Variants in CCAR1 observed in about 807,000 individuals in gnomAD.
CCAR1 encodes cell division cycle and apoptosis regulator 1.
CCAR1 carries 78 observed loss-of-function variants against 163.8 expected under a neutral mutation model. The ratio of observed to expected loss-of-function variants is 0.48; its 90% CI spans 0.40 to 0.57. CCAR1 has a LOEUF of 0.57. Among genes scored for constraint, CCAR1 ranks in the 20% least tolerant of loss-of-function variants. CCAR1 has a pLI of 0.00. For missense variants in CCAR1, 1,019 were observed against 1,365.2 expected (o/e 0.75, Z 4.00); for synonymous variants, 443 against 460.7 (o/e 0.96, Z 0.49).
At chr10:68,765,758 G>A (rs1169576125) in intron 16 of CCAR1, 130 bp from the exon 17 acceptor site, 2 of 629,944 alleles carry the variant, frequency 3.2e-6, no homozygotes, top group Non-Finnish European at 5.4e-6. Context: ...GTTTGTATAA[G>A]TACCATGAAG....
chr10:68,787,817 A>G, intron 21 of CCAR1, 110 bp from the exon 22 acceptor site: 1 of 1,082,948 alleles, frequency 9.2e-7, no homozygotes, highest in Non-Finnish European at 1.3e-6. Flanking sequence ...TTTGGGCGAC[A>G]AGAGCAAGAC....
chr10:68,731,757 A>C (rs906224628), intron 2 of CCAR1, among the ~76,000 whole-genome samples: 1 of 151,960 alleles, frequency 6.6e-6, no homozygotes, highest in Non-Finnish European at 1.5e-5. Context: ...CACCTGGCTA[A>C]TTTTTGTATT....
chr10:68,742,349 T>TAA (rs2056193794), intron 5 of CCAR1, 27 bp from the exon 6 acceptor site: 1 of 1,550,518 alleles, frequency 6.4e-7, no homozygotes, highest in African/African-American at 1.4e-5. Flanking sequence ...ATCATTACCT[T>TAA]AATTTGATGT....
At chr10:68,755,614 C>T (rs1205164567) in intron 13 of CCAR1, 78 bp downstream of exon 13, 11 of 1,281,662 alleles carry the variant, frequency 8.6e-6, no homozygotes, top group Non-Finnish European at 1.2e-5. Flanking sequence ...CAGCCTTTTC[C>T]CCCCGGCTTA....
chr10:68,723,586 T>C lies in CCAR1; in HGVS notation c.73+1009T>C, dbSNP rs184400877. 8.7e-3 allele frequency among the ~76,000 whole-genome samples: 1,313 copies of C among 151,766 alleles called. 18 individuals carry two copies. The highest frequency in any genetic ancestry group is 0.025 in the African/African-American group (1,039 of 41,426). ...TAAATGGGCCGGGCGCGGTGACTCA[T>C]GCCTGTAATCCCAGCACTTTGGGAG... On this transcript the variant is annotated intron_variant, in intron 2 of 24. Transcript: ENST00000265872.
chr10:68,782,611 T>G (rs2056749832), intron 19 of CCAR1, among the ~76,000 whole-genome samples: 1 of 152,156 alleles, frequency 6.6e-6, no homozygotes, highest in Admixed American at 6.6e-5. Flanking sequence ...ACAAGTTGAC[T>G]TTCTTGTTAG....
intron 19 of CCAR1, chr10:68,774,860 G>A (rs2133406672): frequency 2.9e-6 from 1 of 345,568 alleles, no homozygotes; most frequent in African/African-American, 2.3e-5. Flanking sequence ...TACCTTACCT[G>A]TTCTTTTCTA....
intron 2 of CCAR1, among the ~76,000 whole-genome samples, chr10:68,729,430 C>T (rs1162960): frequency 0.87 from 132,497 of 151,454 alleles, 58,030 homozygotes; most frequent in African/African-American, 0.9. Flanking sequence ...CCACCACGCC[C>T]GGCTAATTTT....
At chr10:68,747,025 T>G in intron 6 of CCAR1, 136 bp from the exon 7 acceptor site, 1 of 540,102 alleles carries the variant, frequency 1.9e-6, no homozygotes, top group Non-Finnish European at 3.2e-6. Flanking sequence ...CAGGCTTCCA[T>G]TTCTGATATA....
In CCAR1 at chr10:68,756,741, C is replaced by A; in HGVS notation, c.1836+258C>A. On this transcript the variant is annotated intron_variant, in intron 14 of 24. Coordinates refer to ENST00000265872, the MANE Select transcript of CCAR1 (RefSeq NM_018237.4). This position sits in a 1 kb window ranked among gnomAD's most constrained non-coding sequence, Gnocchi z 5.1. The stretch of plus-strand genomic sequence containing the variant: ...AAATTGCACAGAATTTTGTTTTTAT[C>A]ATAGGTCTAGTTGCTGGAATCTGGG... 1 of 516,172 alleles carries A rather than the reference C, an allele frequency of 1.9e-6. No individual in the cohort carries two copies. The highest frequency in any genetic ancestry group is 3.6e-6 in the Non-Finnish European group (1 of 280,440). 32.0% of individuals were successfully genotyped at this position (516,172 alleles called of 1,614,324 possible). A position where few individuals can be genotyped will look rare whatever the true frequency, so the allele number is the denominator to read the frequency against.
chr10:68,775,450 T>C (rs543722267), intron 19 of CCAR1, among the ~76,000 whole-genome samples: 1 of 151,496 alleles, frequency 6.6e-6, no homozygotes, highest in Admixed American at 6.6e-5. Context: ...AATCATTAAA[T>C]AGTATTCTCA....
intron 2 of CCAR1, among the ~76,000 whole-genome samples, chr10:68,731,123 G>A (rs1401741735): frequency 6.6e-6 from 1 of 152,124 alleles, no homozygotes; most frequent in Non-Finnish European, 1.5e-5. Flanking sequence ...TATTGAATGA[G>A]GTAAAAGTGA....
At chr10:68,766,249 C>T (rs992614540) in intron 17 of CCAR1, among the ~76,000 whole-genome samples, 170 bp downstream of exon 17, 53 of 151,970 alleles carry the variant, frequency 3.5e-4, no homozygotes, top group African/African-American at 1.2e-3. Flanking sequence ...GTTACCCATG[C>T]TGGAGTGCAT....
chr10:68,762,111 C>T (rs180699909), intron 16 of CCAR1, among the ~76,000 whole-genome samples: 4,182 of 151,658 alleles, frequency 0.028, 41 homozygotes, highest in Middle Eastern at 0.066. Flanking sequence ...GGGCGGATCA[C>T]GAGGTCAGGA....
chr10:68,747,290 G>A lies in CCAR1; in HGVS notation c.633+15G>A, dbSNP rs763300893. 3.2e-6 allele frequency: 5 copies of A among 1,583,256 alleles called. No individual in the cohort carries two copies. Among genetic ancestry groups the A allele is most frequent in the Non-Finnish European group, 4.3e-6 (5 of 1,156,936 alleles). On this transcript the variant is annotated intron_variant, in intron 7 of 24. Coordinates refer to ENST00000265872, the MANE Select transcript of CCAR1 (RefSeq NM_018237.4). The stretch of plus-strand genomic sequence containing the variant: ...TACCAAATCAGGTACAGAAAGTATT[G>A]AGTTAGGTATTATAGAAGCTTGGTA...
intron 3 of CCAR1, among the ~76,000 whole-genome samples, chr10:68,737,586 A>C (rs1279859992): frequency 2.6e-5 from 4 of 151,966 alleles, no homozygotes; most frequent in Non-Finnish European, 5.9e-5. Context: ...TACATGAATA[A>C]AATTTACTTC....
chr10:68,721,943 A>C (rs1403188710), intron 1 of CCAR1, among the ~76,000 whole-genome samples: 1 of 152,130 alleles, frequency 6.6e-6, no homozygotes, highest in Non-Finnish European at 1.5e-5. Flanking sequence ...GTTGGAAAAG[A>C]AGCCCCCTAG....
rs752182150 is a variant in CCAR1, at chr10:68,789,844, G to A, written c.3322G>A (p.Glu1108Lys). Residue 1108 changes from glutamate to lysine, a missense_variant, in exon 24 of 25, where the codon GAA becomes AAA. Glu to Lys is a moderately conservative substitution (Grantham distance 56). This residue lies in a region of CCAR1 where 358 missense variants were observed against 406.4 expected (regional missense o/e 0.88). Transcript: ENST00000265872. ...TTCGGAAAACATGAATTTACAATTTGAAAACCAAATGAATAAGACAATCAG... is the reference window on the plus strand; with the variant it reads ...TTCGGAAAACATGAATTTACAATTTAAAAACCAAATGAATAAGACAATCAG... ...KISENMNLQFENQMNKTIRNL... is the reference protein window; with the variant it reads ...KISENMNLQFKNQMNKTIRNL... 2 of 1,608,044 alleles carry A rather than the reference G, an allele frequency of 1.2e-6. No individual in the cohort carries two copies. Among genetic ancestry groups the A allele is most frequent in the Non-Finnish European group, 1.7e-6 (2 of 1,177,868 alleles).
Position 68,749,525 on chromosome 10 carries a change from C to T in CCAR1, c.958C>T (p.Arg320Cys), listed in dbSNP as rs766304257. The change falls in exon 10 of 25, where the codon CGT becomes TGT. Residue 320 changes from arginine to cysteine, a missense_variant and splice_region_variant. Arg to Cys is a radical substitution (Grantham distance 180). This residue lies in a region of CCAR1 where 644 missense variants were observed against 904.4 expected (regional missense o/e 0.71). Coordinates refer to ENST00000265872, the MANE Select transcript of CCAR1 (RefSeq NM_018237.4). ...AATTTTAGAAAAATTTGCTTTCAGTCGTGAGAGAGAGAGAGAAAGACGTAG... is the reference window on the plus strand; with the variant it reads ...AATTTTAGAAAAATTTGCTTTCAGTTGTGAGAGAGAGAGAGAAAGACGTAG... ...QVPNRKDDRS[R>C]ERERERRRSR... 6 of 1,603,874 alleles carry T rather than the reference C, an allele frequency of 3.7e-6. No individual in the cohort carries two copies. The highest frequency in any genetic ancestry group is 1.3e-5 in the African/African-American group (1 of 74,230).
Sources: allele counts gnomAD v4.1 joint callset (sites outside exome capture counted in the v4.1 genomes callset), GRCh38; gene constraint gnomAD v4.1.1; regional missense constraint gnomAD v4.1.1; non-coding constraint Gnocchi (gnomAD v3.1); transcripts MANE v1.5; gene names NCBI Gene and HGNC (gene_info 2026-07-23, HGNC 2026-07-21).